The following GAS2 variants were observed in gnomAD, a reference collection of about 807,000 sequenced individuals.
GAS2 encodes the protein growth arrest-specific protein 2.
A neutral mutation model predicts 37.5 loss-of-function variants in GAS2; 20 were observed. The ratio of observed to expected loss-of-function variants is 0.53; its 90% confidence interval spans 0.37 to 0.77. The LOEUF (loss-of-function observed/expected upper bound fraction) is 0.77, where lower values mean the gene tolerates loss of function less well. Among genes scored for constraint, GAS2 ranks in the 30% least tolerant of loss-of-function variants. GAS2 has a pLI of 0.00. For synonymous variants in GAS2, 144 were observed against 132.2 expected (o/e 1.09, Z -0.61); for missense variants, 336 against 373.4 (o/e 0.90, Z 0.82).
At chr11:22,712,296 C>A (rs978578685) in intron 3 of GAS2, among the ~76,000 whole-genome samples, 1 of 152,218 alleles carries the variant, frequency 6.6e-6, no homozygotes, top group Non-Finnish European at 1.5e-5. Context: ...ACAGAGTCCA[C>A]TTTACTCCCC....
At position 22,646,386 on chromosome 11, in the gene GAS2, C is replaced by T. The variant is rs148069713; in HGVS notation, c.-21+20573C>T. ...ATTTACCTTTTATTGCCTATACTGA[C>T]TGCCAAATTTTCCCTTTTTATGCTC... On this transcript the variant is annotated intron_variant, in intron 1 of 5. Transcript: ENST00000528582. Among the ~76,000 whole-genome samples, 68 of 152,310 alleles carry T rather than the reference C, an allele frequency of 4.5e-4. No individual in the cohort carries two copies. In the East Asian group the frequency reaches 0.013, roughly 29 times the overall value.
chr11:22,765,621 T>A (rs1253303100), intron 7 of GAS2, among the ~76,000 whole-genome samples: 1 of 151,918 alleles, frequency 6.6e-6, no homozygotes, highest in Middle Eastern at 3.4e-3. Context: ...CTACTAAAAT[T>A]ACAAAAAATT....
intron 6 of GAS2, 77 bp from the exon 7 acceptor site, chr11:22,755,769 C>T (rs1853995514): frequency 9.5e-6 from 9 of 944,808 alleles, no homozygotes; most frequent in Non-Finnish European, 1.5e-5. Flanking sequence ...GGTTCAGGGG[C>T]CGTGGAGTCC....
At chr11:22,775,750 T>C (rs2134453423) in intron 7 of GAS2, among the ~76,000 whole-genome samples, 2 of 152,314 alleles carry the variant, frequency 1.3e-5, no homozygotes, top group Non-Finnish European at 2.9e-5. Context: ...CTAGTGCTCC[T>C]ATCAACAAGT....
chr11:22,647,381 A>G (rs1383788717), intron 1 of GAS2, among the ~76,000 whole-genome samples: 1 of 152,154 alleles, frequency 6.6e-6, no homozygotes, highest in Non-Finnish European at 1.5e-5. Flanking sequence ...CGCAATAAAC[A>G]TACGTGTGCA....
chr11:22,648,208 A>G (rs887213905), intron 1 of GAS2, among the ~76,000 whole-genome samples: 2 of 151,314 alleles, frequency 1.3e-5, no homozygotes, highest in Non-Finnish European at 3.0e-5. Context: ...TGTTTTTCTC[A>G]GGTTTGTCAA....
chr11:22,790,074 C>A (rs966722655), intron 7 of GAS2, among the ~76,000 whole-genome samples: 3 of 152,302 alleles, frequency 2.0e-5, no homozygotes, highest in South Asian at 2.1e-4. Flanking sequence ...CCCCTACCTA[C>A]TCTACCTACC....
chr11:22,689,920 G>C (rs1243340888), intron 3 of GAS2, among the ~76,000 whole-genome samples: 1 of 152,184 alleles, frequency 6.6e-6, no homozygotes, highest in African/African-American at 2.4e-5. Flanking sequence ...GGATGAATTA[G>C]TCAATACATT....
intron 3 of GAS2, among the ~76,000 whole-genome samples, chr11:22,694,503 C>T (rs1297283052): frequency 1.3e-5 from 2 of 152,168 alleles, no homozygotes; most frequent in African/African-American, 2.4e-5. Flanking sequence ...AATAGAGCCA[C>T]TTGGGTCCCA....
At chr11:22,663,830 T>C (rs1848943907), upstream of GAS2, among the ~76,000 whole-genome samples, 3 of 152,334 alleles carry the variant, frequency 2.0e-5, no homozygotes, top group South Asian at 6.2e-4. Flanking sequence ...TTATAAAATT[T>C]ATTCTCTTTG....
At chr11:22,773,651 T>A (rs1855105633) in intron 7 of GAS2, among the ~76,000 whole-genome samples, 1 of 152,104 alleles carries the variant, frequency 6.6e-6, no homozygotes, top group Admixed American at 6.5e-5. Context: ...TCTTCCAAGA[T>A]CTTTGCAGGG....
chr11:22,781,920 C>T (rs1043786179), intron 7 of GAS2, among the ~76,000 whole-genome samples: 1 of 152,094 alleles, frequency 6.6e-6, no homozygotes, highest in Non-Finnish European at 1.5e-5. Context: ...GTTGCATGGA[C>T]TCACCAGATA....
intron 7 of GAS2, among the ~76,000 whole-genome samples, chr11:22,779,435 C>T (rs939218029): frequency 6.6e-5 from 10 of 152,294 alleles, no homozygotes; most frequent in Admixed American, 2.6e-4. Context: ...TGGTGGCTCA[C>T]GCCTGTAATC....
At chr11:22,650,176 C>T (rs1371571612) in intron 1 of GAS2, among the ~76,000 whole-genome samples, 14 of 151,164 alleles carry the variant, frequency 9.3e-5, no homozygotes, top group African/African-American at 3.2e-4. Flanking sequence ...TCGTTATGTA[C>T]CCAGTAGTCA....
At chr11:22,651,471 G>T (rs1459184576) in intron 1 of GAS2, among the ~76,000 whole-genome samples, 1 of 152,154 alleles carries the variant, frequency 6.6e-6, no homozygotes, top group Admixed American at 6.5e-5. Context: ...GGCCTGCCTT[G>T]CTAGATTGGG....
intron 6 of GAS2, among the ~76,000 whole-genome samples, chr11:22,753,534 A>C (rs1001155484): frequency 6.6e-6 from 1 of 152,120 alleles, no homozygotes; most frequent in Admixed American, 6.6e-5. Flanking sequence ...AACCAGTTGA[A>C]CATCAATTTA....
rs979786636 is a variant in GAS2, at chr11:22,776,622, G to C, written c.723+20669G>C. 3.9e-5 allele frequency among the ~76,000 whole-genome samples: 6 copies of C among 152,084 alleles called. 1 individual carries two copies. The highest frequency in any genetic ancestry group is 3.9e-4 in the Admixed American group (6 of 15,256). ...CCTTTCTGTTAAAATTTTATATAAA[G>C]CTAAGAAAATTAAGTTACATATTAT... On this transcript the variant is annotated intron_variant, in intron 7 of 7. Coordinates refer to ENST00000454584, the MANE Select transcript of GAS2 (RefSeq NM_001143830.3).
intron 3 of GAS2, among the ~76,000 whole-genome samples, chr11:22,706,050 A>G (rs1257823440): frequency 6.6e-6 from 1 of 152,226 alleles, no homozygotes; most frequent in Non-Finnish European, 1.5e-5. Context: ...ACTAGCACAT[A>G]ACTCAAGAGA....
intron 1 of GAS2, among the ~76,000 whole-genome samples, chr11:22,669,076 T>C (rs1003163877): frequency 5.3e-5 from 8 of 152,256 alleles, no homozygotes; most frequent in Non-Finnish European, 8.8e-5. Context: ...TTTACTCCTT[T>C]ATGTGAGACC....
Sources: gnomAD v4.1 joint callset for allele counts (sites outside exome capture counted in the v4.1 genomes callset) on GRCh38, gnomAD v4.1.1 for gene constraint, MANE v1.5 for transcripts, NCBI Gene and HGNC (gene_info 2026-07-23, HGNC 2026-07-21) for gene names.